The following ZNF382 variants were observed in gnomAD, a reference collection of about 807,000 sequenced individuals.
The protein encoded by ZNF382 is zinc finger protein 382.
ZNF382 carries 20 observed loss-of-function variants against 38.8 expected under a neutral mutation model. The ratio of observed to expected loss-of-function variants is 0.51; its 90% CI spans 0.36 to 0.75. The LOEUF (loss-of-function observed/expected upper bound fraction) is 0.75, where lower values mean the gene tolerates loss of function less well. ZNF382 is among the 30% of genes least tolerant of loss of function. ZNF382 has a pLI of 0.00. For missense variants in ZNF382, 546 were observed against 654.1 expected (o/e 0.83, Z 1.80); for synonymous variants, 202 against 223.1 (o/e 0.91, Z 0.84).
At chr19:36,624,635 G>A (rs1244702957) in intron 4 of ZNF382, among the ~76,000 whole-genome samples, 1 of 152,126 alleles carries the variant, frequency 6.6e-6, no homozygotes, top group Non-Finnish European at 1.5e-5. Context: ...GATGTATTGG[G>A]AGGAAAACTC....
intron 4 of ZNF382, among the ~76,000 whole-genome samples, chr19:36,621,581 T>C (rs934858318): frequency 6.2e-5 from 9 of 145,716 alleles, no homozygotes; most frequent in African/African-American, 2.3e-4. Flanking sequence ...CAACTGTAAA[T>C]AGAAAAAAAT....
In ZNF382 at chr19:36,627,605, A is replaced by C; in HGVS notation, c.*55A>C. The C allele has an allele frequency of 7.4e-7, 1 of 1,358,132 alleles. No homozygotes were observed. Among genetic ancestry groups the C allele is most frequent in the Non-Finnish European group, 1.0e-6 (1 of 969,856 alleles). 84.1% of individuals were successfully genotyped at this position (1,358,132 alleles called of 1,614,324 possible). On this transcript the variant is annotated 3_prime_UTR_variant, in exon 5 of 5. Transcript: ENST00000292928. ...TAAGTCATAGTAAACCCTGTAGATG[A>C]TGTTGCTTGCAAGCGTAATATCCAA...
intron 4 of ZNF382, 43 bp from the exon 5 acceptor site, chr19:36,626,087 C>G: frequency 1.4e-6 from 2 of 1,428,190 alleles, no homozygotes; most frequent in Non-Finnish European, 1.9e-6. Context: ...CAATCCATAG[C>G]ATTTATGTGA....
intron 4 of ZNF382, among the ~76,000 whole-genome samples, chr19:36,619,758 T>TATTG (rs2037154361): frequency 6.6e-6 from 1 of 150,922 alleles, no homozygotes; most frequent in Non-Finnish European, 1.5e-5. Context: ...TGAGATGGAG[T>TATTG]ATTGCTCTGT....
intron 4 of ZNF382, among the ~76,000 whole-genome samples, chr19:36,623,620 T>C (rs896030763): frequency 3.3e-5 from 5 of 151,812 alleles, no homozygotes; most frequent in African/African-American, 1.2e-4. Context: ...TGAAACCCCA[T>C]CTCCGCTAAA....
chr19:36,614,955 CTTCCT>C (rs1555793094), intron 4 of ZNF382, among the ~76,000 whole-genome samples: 5 of 118,044 alleles, frequency 4.2e-5, no homozygotes, highest in Admixed American at 9.2e-5. Flanking sequence ...TTCCCTTTCC[CTTCCT>C]TTCCTTTCCT....
At position 36,629,262 on chromosome 19, in the gene ZNF382, T is replaced by G. The variant is rs1046243076; in HGVS notation, c.*1712T>G. On this transcript the variant is annotated 3_prime_UTR_variant, in exon 5 of 5. Coordinates refer to ENST00000292928, the MANE Select transcript of ZNF382 (RefSeq NM_032825.5). ...AGGGACTTTTAACTCTGGGGAAAGC[T>G]CTCTTTCATGAAAGAAGTCTAGCCA... 1 of 152,084 alleles carries G rather than the reference T, an allele frequency of 6.6e-6. No homozygotes were observed. Among genetic ancestry groups the G allele is most frequent in the Non-Finnish European group, 1.5e-5 (1 of 68,052 alleles). The allele number at this position is 152,084 out of a possible 1,614,324, so 9.4% of individuals were successfully genotyped here.
Position 36,627,034 on chromosome 19 carries a change from C to T in ZNF382, c.1137C>T (p.Ala379=), listed in dbSNP as rs200498882. The change falls in exon 5 of 5, where the codon GCC becomes GCT. Residue 379 remains alanine, a synonymous_variant. Coordinates refer to ENST00000292928, the MANE Select transcript of ZNF382 (RefSeq NM_032825.5). ...ACAAAACACATACGGGGGAGAAAGC[C>T]TATGAATGTCCTCAGTGTGGAAGTG... ...RHHKTHTGEK[A]YECPQCGSAF... 1.1e-4 allele frequency: 170 copies of T among 1,613,722 alleles called. No individual in the cohort carries two copies. The East Asian group carries it at 2.9e-3, about 27-fold the overall frequency.
chr19:36,610,465 A>G (rs906870641), intron 3 of ZNF382, 185 bp from the exon 4 acceptor site: 8 of 467,616 alleles, frequency 1.7e-5, no homozygotes, highest in African/African-American at 1.2e-4. Context: ...AAAAAAAAAA[A>G]GAAAAGAAAA....
In ZNF382 at chr19:36,627,247, C is replaced by T. The variant is rs1426487274; in HGVS notation, c.1350C>T (p.Thr450=). ...ECGKSFCQKT[T]LTLHQRIHTG... ...GGAAGTCCTTCTGCCAAAAGACAAC[C>T]CTCACTCTCCACCAGAGAATTCACA... is the stretch of plus-strand genomic sequence containing the variant. The change falls in exon 5 of 5, where the codon ACC becomes ACT. Residue 450 remains threonine, a synonymous_variant. Coordinates refer to ENST00000292928, the MANE Select transcript of ZNF382 (RefSeq NM_032825.5). 1.2e-6 allele frequency: 2 copies of T among 1,613,734 alleles called. No individual in the cohort carries two copies. Among genetic ancestry groups the T allele is most frequent in the East Asian group, 2.2e-5 (1 of 44,856 alleles).
At chr19:36,607,648 G>T in intron 2 of ZNF382, 26 bp downstream of exon 2, 1 of 1,511,590 alleles carries the variant, frequency 6.6e-7, no homozygotes, top group Non-Finnish European at 8.8e-7. Context: ...CTCTCTTTCT[G>T]AAATAACTTT....
At chr19:36,620,514 C>A (rs80099180) in intron 4 of ZNF382, among the ~76,000 whole-genome samples, 2,067 of 152,254 alleles carry the variant, frequency 0.014, 16 homozygotes, top group Middle Eastern at 0.034. Flanking sequence ...ACTCTCAGTT[C>A]TTGACTTTAT....
chr19:36,628,142 A>C lies in ZNF382; in HGVS notation c.*592A>C, dbSNP rs2037230586. The C allele has an allele frequency of 6.6e-6, 1 of 152,340 alleles. No homozygotes were observed. Among genetic ancestry groups the C allele is most frequent in the Non-Finnish European group, 1.5e-5 (1 of 68,146 alleles). The allele number at this position is 152,340 out of a possible 1,614,324, so 9.4% of individuals were successfully genotyped here. On this transcript the variant is annotated 3_prime_UTR_variant, in exon 5 of 5. Coordinates refer to ENST00000292928, the MANE Select transcript of ZNF382 (RefSeq NM_032825.5). The stretch of plus-strand genomic sequence containing the variant: ...GAGTCTAATCATTAGTACGTGTGGC[A>C]GAAGTTTATTTATTTTTATCCAGTA...
In ZNF382 at chr19:36,632,892, A is replaced by T. The variant is rs1237549141; in HGVS notation, c.*5342A>T. 1 of 152,114 alleles carries T rather than the reference A, an allele frequency of 6.6e-6. No individual in the cohort carries two copies. Among genetic ancestry groups the T allele is most frequent in the African/African-American group, 2.4e-5 (1 of 41,390 alleles). 9.4% of individuals were successfully genotyped at this position (152,114 alleles called of 1,614,324 possible). ...TCATTTCTTGTCAGCTAATGCTTGAATTTCTCCACTCAGTTTCTGGTCTAG... is the reference window on the plus strand; with the variant it reads ...TCATTTCTTGTCAGCTAATGCTTGATTTTCTCCACTCAGTTTCTGGTCTAG... On this transcript the variant is annotated 3_prime_UTR_variant, in exon 5 of 5. Transcript: ENST00000292928.
At chr19:36,618,174 T>C (rs1317002883) in intron 4 of ZNF382, among the ~76,000 whole-genome samples, 1 of 152,220 alleles carries the variant, frequency 6.6e-6, no homozygotes, top group African/African-American at 2.4e-5. Context: ...CATATTGGTC[T>C]TCATGAATCC....
rs1440583149 is a variant in ZNF382 at position 36,623,960 on chromosome 19, G to A, written c.233-2170G>A. Among the ~76,000 whole-genome samples the A allele has an allele frequency of 2.0e-5, 3 of 151,516 alleles. No individual in the cohort carries two copies. The East Asian group carries it at 5.8e-4, about 29-fold the overall frequency. On this transcript the variant is annotated intron_variant, in intron 4 of 4. Coordinates refer to ENST00000292928, the MANE Select transcript of ZNF382 (RefSeq NM_032825.5). ...AAAAATTAGCCAAGTGTGGTGGCGG[G>A]CACCTGTAATCCCAGCTTCTCATGA...
chr19:36,607,497 G>A, intron 1 of ZNF382, 55 bp from the exon 2 acceptor site: 1 of 1,065,748 alleles, frequency 9.4e-7, no homozygotes, highest in African/African-American at 1.6e-5. Flanking sequence ...AATTCTGGGA[G>A]TTCTGAGTCA....
At chr19:36,617,249 A>G (rs1235808144) in intron 4 of ZNF382, among the ~76,000 whole-genome samples, 1 of 152,108 alleles carries the variant, frequency 6.6e-6, no homozygotes, top group Admixed American at 6.6e-5. Flanking sequence ...AGGAAGAAAG[A>G]CTTCTAGCCC....
chr19:36,618,880 A>G (rs139586531), intron 4 of ZNF382, among the ~76,000 whole-genome samples: 10 of 152,248 alleles, frequency 6.6e-5, no homozygotes, highest in African/African-American at 2.4e-4. Context: ...TCTACTAAAA[A>G]TACAAAAATT....
Sources: allele counts gnomAD v4.1 joint callset (sites outside exome capture counted in the v4.1 genomes callset), GRCh38; gene constraint gnomAD v4.1.1; transcripts MANE v1.5; gene names NCBI Gene and HGNC (gene_info 2026-07-23, HGNC 2026-07-21).